Variants in KDM2B observed in about 807,000 individuals in gnomAD.
The protein encoded by KDM2B is lysine demethylase 2B, also known as lysine-specific demethylase 2B.
KDM2B carries 26 observed loss-of-function variants against 150.0 expected under a neutral mutation model. The ratio of observed to expected loss-of-function variants is 0.17; its 90% CI spans 0.13 to 0.24. KDM2B has a LOEUF of 0.24. KDM2B is among the 10% of genes least tolerant of loss of function. The probability of loss-of-function intolerance (pLI) is 1.00; values close to 1 mark genes in which losing one functional copy is unlikely to be tolerated. For missense variants in KDM2B, 1,265 were observed against 1,816.9 expected (o/e 0.70, Z 5.52); for synonymous variants, 734 against 729.5 (o/e 1.01, Z -0.10).
chr12:121,466,918 C>T (rs1484210005), intron 12 of KDM2B, among the ~76,000 whole-genome samples: 3 of 147,260 alleles, frequency 2.0e-5, no homozygotes, highest in East Asian at 2.0e-4. Context: ...CCCCGCGGTG[C>T]CCGATGGCCC....
chr12:121,424,832 G>C (rs1242641635), downstream of KDM2B, among the ~76,000 whole-genome samples: 1 of 152,048 alleles, frequency 6.6e-6, no homozygotes, highest in Non-Finnish European at 1.5e-5. Flanking sequence ...TCCAGGTATT[G>C]CGCTAGGTGC....
the KDM2B span, among the ~76,000 whole-genome samples, chr12:121,410,190 C>A: frequency 6.6e-6 from 1 of 151,334 alleles, no homozygotes; most frequent in Non-Finnish European, 1.5e-5. Context: ...CATTTCAGCA[C>A]TGGGATGCCA....
chr12:121,485,688 G>A (rs1308095360), intron 12 of KDM2B, among the ~76,000 whole-genome samples: 1 of 152,024 alleles, frequency 6.6e-6, no homozygotes, highest in African/African-American at 2.4e-5. Flanking sequence ...GTGATGAAAG[G>A]GTCCTGGAGA....
Position 121,549,006 on chromosome 12 carries a change from C to A in KDM2B, c.577-23G>T. On this transcript the variant is annotated intron_variant, in intron 5 of 22. Transcript: ENST00000377071. The surrounding 1 kb of genome is among the most constrained non-coding windows in gnomAD (Gnocchi z 4.4). ...TACCTGAAAGCCAGACCAGTGTGAGCACTGCATTTCTCCACTGCCGAGCCA... is the reference window on the plus strand; with the variant it reads ...TACCTGAAAGCCAGACCAGTGTGAGAACTGCATTTCTCCACTGCCGAGCCA... 2 of 1,580,276 alleles carry A rather than the reference C, an allele frequency of 1.3e-6. No individual in the cohort carries two copies. The highest frequency in any genetic ancestry group is 1.7e-6 in the Non-Finnish European group (2 of 1,149,194).
the KDM2B span, among the ~76,000 whole-genome samples, chr12:121,422,443 C>T: frequency 6.6e-6 from 1 of 152,330 alleles, no homozygotes; most frequent in Non-Finnish European, 1.5e-5. Flanking sequence ...TCTTGAGTTG[C>T]CTAGTGCCTT....
chr12:121,438,587 C>T (rs1369615371), intron 22 of KDM2B, among the ~76,000 whole-genome samples: 10 of 152,112 alleles, frequency 6.6e-5, no homozygotes, highest in South Asian at 2.1e-4. Context: ...TTTGCGTCCA[C>T]GAGGTGGAAC....
In KDM2B at chr12:121,429,423, A is replaced by G. The variant is rs1555284845; in HGVS notation, c.*865T>C. ...TTGACTCACTGTATAAATTAGATCT[A>G]TGTAAGTACAAGAGCTCATGCTGGA... On this transcript the variant is annotated 3_prime_UTR_variant, in exon 23 of 23. Transcript: ENST00000377071. The G allele has an allele frequency of 3.9e-5, 6 of 153,582 alleles. No individual in the cohort carries two copies. Among genetic ancestry groups the G allele is most frequent in the Non-Finnish European group, 4.4e-5 (3 of 68,680 alleles). The allele number at this position is 153,582 out of a possible 1,614,324, so 9.5% of individuals were successfully genotyped here. A position where few individuals can be genotyped will look rare whatever the true frequency, so the allele number is the denominator to read the frequency against.
intron 4 of KDM2B, among the ~76,000 whole-genome samples, chr12:121,551,695 G>A (rs1555311837): frequency 6.6e-6 from 1 of 152,074 alleles, no homozygotes; most frequent in Non-Finnish European, 1.5e-5. Flanking sequence ...TGGAATTAAG[G>A]GCGTGCACCA....
At chr12:121,454,140 G>A (rs2138839962) in intron 12 of KDM2B, among the ~76,000 whole-genome samples, 1 of 152,272 alleles carries the variant, frequency 6.6e-6, no homozygotes, top group African/African-American at 2.4e-5. Flanking sequence ...CCCTCTGGGA[G>A]ATCCTGTTAG....
intron 1 of KDM2B, chr12:121,580,552 G>A: frequency 2.1e-6 from 2 of 969,340 alleles, no homozygotes; most frequent in African/African-American, 1.8e-5. Flanking sequence ...GGCGGCGGGC[G>A]CATCCCGGAG....
chr12:121,544,319 A>T (rs1888848385), intron 6 of KDM2B, among the ~76,000 whole-genome samples: 1 of 151,744 alleles, frequency 6.6e-6, no homozygotes. Flanking sequence ...AAATAAACAA[A>T]AAGATTCCTG....
chr12:121,410,108 C>T, the KDM2B span, among the ~76,000 whole-genome samples: 4 of 150,882 alleles, frequency 2.7e-5, no homozygotes, highest in Non-Finnish European at 3.0e-5. Context: ...GAGCCAAGAT[C>T]GTGCCATCGC....
chr12:121,446,944 A>G (rs1555290468), intron 13 of KDM2B, among the ~76,000 whole-genome samples: 1 of 152,234 alleles, frequency 6.6e-6, no homozygotes, highest in African/African-American at 2.4e-5. Context: ...TGGTGTTACA[A>G]CATCATGCCT....
chr12:121,442,382 G>A lies in KDM2B; in HGVS notation c.3059C>T (p.Pro1020Leu). The A allele has an allele frequency of 6.3e-7, 1 of 1,588,740 alleles. No homozygotes were observed. Among genetic ancestry groups the A allele is most frequent in the Non-Finnish European group, 8.6e-7 (1 of 1,168,712 alleles). ...GGGTGGGGGCCGGGAGATGACACGG[G>A]GCGGGCTGCGCAGGCTGGGCCCCAG... ...HQLGPSLRSP[P>L]RVISRPPPSV... The change falls in exon 19 of 23, where the codon CCC becomes CTC. Residue 1020 changes from proline to leucine, a missense_variant. This residue lies in a region of KDM2B where 418 missense variants were observed against 402.4 expected (regional missense o/e 1.04). Coordinates refer to ENST00000377071, the MANE Select transcript of KDM2B (RefSeq NM_032590.5). This position sits in a 1 kb window ranked among gnomAD's most constrained non-coding sequence, Gnocchi z 7.7.
Position 121,440,829 on chromosome 12 carries a change from T to G in KDM2B, c.3597A>C (p.Thr1199=). 6.2e-7 allele frequency: 1 copy of G among 1,611,698 alleles called. No homozygotes were observed. Among genetic ancestry groups the G allele is most frequent in the Non-Finnish European group, 8.5e-7 (1 of 1,178,652 alleles). The change falls in exon 21 of 23, where the codon ACA becomes ACC. Residue 1199 remains threonine, a synonymous_variant. Transcript: ENST00000377071. ...CTGGCAACTCACCTGGCCTGTTGTCTGTGGGCGGGGACAGGAGATCCCGCA... is the reference window on the plus strand; with the variant it reads ...CTGGCAACTCACCTGGCCTGTTGTCGGTGGGCGGGGACAGGAGATCCCGCA... The part of the protein sequence containing the change: ...AQMRDLLSPP[T]DNRPGQMDNR...
intron 12 of KDM2B, among the ~76,000 whole-genome samples, chr12:121,454,972 C>T (rs559534923): frequency 6.6e-6 from 1 of 152,166 alleles, no homozygotes; most frequent in Non-Finnish European, 1.5e-5. Flanking sequence ...AAACAGCCCC[C>T]CTTTCTCCTC....
chr12:121,491,976 G>A (rs1459358671), intron 12 of KDM2B, among the ~76,000 whole-genome samples: 1 of 151,950 alleles, frequency 6.6e-6, no homozygotes, highest in Non-Finnish European at 1.5e-5. Context: ...TGGCAACATG[G>A]CAAAACCTCA....
chr12:121,497,370 T>C (rs1884080187), intron 11 of KDM2B, among the ~76,000 whole-genome samples: 1 of 152,132 alleles, frequency 6.6e-6, no homozygotes. Flanking sequence ...AGTGGCACCA[T>C]CTTGGTTCAC....
chr12:121,413,111 C>T, the KDM2B span, among the ~76,000 whole-genome samples: 2 of 148,570 alleles, frequency 1.3e-5, no homozygotes, highest in African/African-American at 2.6e-5. Context: ...CTGCAACCTC[C>T]GCCTCCCCGG....
Sources: gnomAD v4.1 joint callset for allele counts (sites outside exome capture counted in the v4.1 genomes callset) on GRCh38, gnomAD v4.1.1 for gene constraint, gnomAD v4.1.1 regional missense constraint, Gnocchi (gnomAD v3.1) non-coding constraint, MANE v1.5 for transcripts, NCBI Gene and HGNC (gene_info 2026-07-23, HGNC 2026-07-21) for gene names.